The following RAB40C variants were observed in gnomAD, a reference collection of about 807,000 sequenced individuals.
RAB40C encodes the protein RAB40C, member RAS oncogene family, also known as ras-related protein Rab-40C.
A neutral mutation model predicts 28.1 loss-of-function variants in RAB40C; 8 were observed. The ratio of observed to expected loss-of-function variants is 0.28; its 90% CI spans 0.17 to 0.51. The LOEUF (loss-of-function observed/expected upper bound fraction) is 0.51. Among genes scored for constraint, RAB40C ranks in the 20% least tolerant of loss-of-function variants. The probability of loss-of-function intolerance (pLI) is 0.97; values close to 1 mark genes in which losing one functional copy is unlikely to be tolerated. For synonymous variants in RAB40C, 201 were observed against 171.7 expected (o/e 1.17, Z -1.34); for missense variants, 288 against 405.9 (o/e 0.71, Z 2.50).
At chr16:613,319 C>T (rs529842007) in intron 1 of RAB40C, among the ~76,000 whole-genome samples, 26 of 152,130 alleles carry the variant, frequency 1.7e-4, no homozygotes, top group Admixed American at 1.2e-3. Context: ...CAGGGACAGC[C>T]GCCCTCGCCT....
In RAB40C at chr16:621,449, C is replaced by G. The variant is rs182434357; in HGVS notation, c.264+3189C>G. 6.9e-3 allele frequency among the ~76,000 whole-genome samples: 1,056 copies of G among 152,366 alleles called. 14 individuals are homozygous for G. Among genetic ancestry groups the G allele is most frequent in the African/African-American group, 0.024 (1,014 of 41,582 alleles). Reference sequence around the variant, plus strand: ...GAGAGGCCTGGAAGGTCCCCGCGGCCTGGGTCTTGCAGATGGCACCAGCAA... The same window carrying G: ...GAGAGGCCTGGAAGGTCCCCGCGGCGTGGGTCTTGCAGATGGCACCAGCAA... On this transcript the variant is annotated intron_variant, in intron 3 of 5. Coordinates refer to ENST00000248139, the MANE Select transcript of RAB40C (RefSeq NM_021168.5).
chr16:611,349 C>T (rs2036480551), intron 1 of RAB40C, among the ~76,000 whole-genome samples: 2 of 152,228 alleles, frequency 1.3e-5, no homozygotes, highest in South Asian at 4.1e-4. Flanking sequence ...TGCTTGGCCA[C>T]ATTGGCACGT....
chr16:597,866 C>T (rs1358066864), intron 1 of RAB40C, among the ~76,000 whole-genome samples: 4 of 137,428 alleles, frequency 2.9e-5, no homozygotes, highest in African/African-American at 8.2e-5. Context: ...CTTGGGAGGC[C>T]GAGGTAGGCG....
At chr16:593,152 T>G (rs532685059) in intron 1 of RAB40C, among the ~76,000 whole-genome samples, 1 of 152,284 alleles carries the variant, frequency 6.6e-6, no homozygotes, top group Non-Finnish European at 1.5e-5. Context: ...GGTTAAGACG[T>G]GCACAGCACA....
chr16:624,543 G>A, intron 3 of RAB40C: 5 of 985,422 alleles, frequency 5.1e-6, no homozygotes, highest in South Asian at 9.4e-5. Context: ...TCCAGATATC[G>A]AAAGATGGTT....
At chr16:611,032 A>G (rs994561098) in intron 1 of RAB40C, among the ~76,000 whole-genome samples, 6 of 152,008 alleles carry the variant, frequency 3.9e-5, no homozygotes, top group East Asian at 1.9e-4. Context: ...TTTCCTCTTC[A>G]CTGTTGCTGA....
intron 1 of RAB40C, chr16:596,383 C>T: frequency 2.2e-6 from 1 of 455,450 alleles, no homozygotes; most frequent in East Asian, 7.0e-5. Context: ...GTCTGGAGCC[C>T]CTGCGAGCTG....
At chr16:597,772 G>A (rs905324790) in intron 1 of RAB40C, among the ~76,000 whole-genome samples, 5 of 151,708 alleles carry the variant, frequency 3.3e-5, no homozygotes, top group Non-Finnish European at 7.4e-5. Context: ...TTACAGGCAT[G>A]AGCCACTGTG....
At chr16:618,592 CAT>C (rs1322073028) in intron 3 of RAB40C, among the ~76,000 whole-genome samples, 1 of 151,166 alleles carries the variant, frequency 6.6e-6, no homozygotes, top group African/African-American at 2.4e-5. Context: ...CACTCAGGGC[CAT>C]GTGTGTGTGC....
intron 1 of RAB40C, among the ~76,000 whole-genome samples, chr16:602,341 A>G (rs1430560309): frequency 6.6e-6 from 1 of 151,714 alleles, no homozygotes; most frequent in East Asian, 1.9e-4. Context: ...TGCAGCCTCA[A>G]ATTCCAGGGT....
chr16:593,894 G>A (rs116903146), intron 1 of RAB40C, among the ~76,000 whole-genome samples: 2,506 of 152,316 alleles, frequency 0.016, 30 homozygotes, highest in Non-Finnish European at 0.025. Flanking sequence ...CTGGGTGATG[G>A]TGGCGAGTTA....
intron 3 of RAB40C, among the ~76,000 whole-genome samples, chr16:623,075 T>C (rs1228308039): frequency 6.6e-6 from 1 of 152,138 alleles, no homozygotes; most frequent in Non-Finnish European, 1.5e-5. Flanking sequence ...TCCTCAGACA[T>C]GGCCATCCCA....
chr16:623,786 A>G (rs2036771219), intron 3 of RAB40C: 1 of 207,054 alleles, frequency 4.8e-6, no homozygotes, highest in South Asian at 1.7e-4. Flanking sequence ...ATCTCTAAAA[A>G]ATGTTTAAAA....
chr16:621,972 G>T (rs529709453), intron 3 of RAB40C, among the ~76,000 whole-genome samples: 1 of 152,324 alleles, frequency 6.6e-6, no homozygotes, highest in South Asian at 2.1e-4. Context: ...TTACATGTCA[G>T]TTGCTCCTGG....
At chr16:595,902 C>T (rs1596397597) in intron 1 of RAB40C, among the ~76,000 whole-genome samples, 1 of 152,136 alleles carries the variant, frequency 6.6e-6, no homozygotes, top group South Asian at 2.1e-4. Flanking sequence ...TGCCTGGCCT[C>T]TAATTGTGCT....
Position 625,912 on chromosome 16 carries a change from T to C in RAB40C, c.356T>C (p.Val119Ala). The change falls in exon 5 of 6, where the codon GTC (valine) becomes GCC (alanine). Residue 119 changes from valine (V) to alanine (A), a missense_variant. By Grantham distance (64) the Val-to-Ala change is moderately conservative (BLOSUM62 0). Around this residue, in one of 3 missense-constraint regions of RAB40C, gnomAD observed 153 missense variants for 262.4 expected, o/e 0.58. Transcript: ENST00000248139. ...IKEIDEHAPGVPRILVGNRLH... is the reference protein window; with the variant it reads ...IKEIDEHAPGAPRILVGNRLH... ...CTGTGCCCCCAGCATGCACCCGGAG[T>C]CCCCCGGATCTTGGTTGGAAACCGG... 1 of 1,612,348 alleles carries C rather than the reference T, an allele frequency of 6.2e-7. No individual in the cohort carries two copies. The highest frequency in any genetic ancestry group is 8.5e-7 in the Non-Finnish European group (1 of 1,179,596).
chr16:591,167 C>T (rs2035988076), intron 1 of RAB40C, among the ~76,000 whole-genome samples: 1 of 132,308 alleles, frequency 7.6e-6, no homozygotes, highest in African/African-American at 3.0e-5. Context: ...GGTCTGGGAT[C>T]TCAGGGGAAG....
intron 1 of RAB40C, among the ~76,000 whole-genome samples, chr16:595,728 G>A (rs567166191): frequency 6.6e-6 from 1 of 150,928 alleles, no homozygotes; most frequent in African/African-American, 2.4e-5. Flanking sequence ...TCAGCCTCCC[G>A]AGTAGCTGGG....
chr16:609,894 G>C (rs1269088730), intron 1 of RAB40C, among the ~76,000 whole-genome samples: 1 of 152,162 alleles, frequency 6.6e-6, no homozygotes, highest in South Asian at 2.1e-4. Flanking sequence ...GGCACGTCAG[G>C]ATGTGTCTCC....
Sources: gnomAD v4.1 joint callset for allele counts (sites outside exome capture counted in the v4.1 genomes callset) on GRCh38, gnomAD v4.1.1 for gene constraint, gnomAD v4.1.1 regional missense constraint, MANE v1.5 for transcripts, NCBI Gene and HGNC (gene_info 2026-07-23, HGNC 2026-07-21) for gene names.